PCDHA2: variants seen among roughly 807,000 people sequenced by gnomAD.
The protein encoded by PCDHA2 is protocadherin alpha 2, also known as protocadherin alpha-2.
PCDHA2 carries 58 observed loss-of-function variants against 66.0 expected under a neutral mutation model. The ratio of observed to expected loss-of-function variants is 0.88; its 90% confidence interval spans 0.71 to 1.09. The LOEUF is 1.09. Ranked by LOEUF, PCDHA2 falls within the 50% of genes least tolerant of loss-of-function variation. The pLI, the probability that PCDHA2 is intolerant of heterozygous loss-of-function variation, is 0.00. For missense variants in PCDHA2, 1,267 were observed against 1,242.3 expected, an observed-to-expected ratio of 1.02 and a Z score of -0.30; for synonymous variants, 634 against 554.0, an observed-to-expected ratio of 1.14 and a Z score of -2.03.
rs533343357 is a variant in PCDHA2, at chr5:140,856,093, C to G, written c.2388+58741C>G. 1.3e-6 allele frequency: 2 copies of G among 1,597,146 alleles called. 1 individual carries two copies. Among genetic ancestry groups the G allele is most frequent in the Non-Finnish European group, 1.7e-6 (2 of 1,166,952 alleles). On this transcript the variant is annotated intron_variant, in intron 1 of 3. Transcript: ENST00000526136. ...GCCTGGGGGTCCAGTGTCTGCTGCT[C>G]TCGCTTCTTCTCCTCGCAGCCTGGG... is the stretch of plus-strand genomic sequence containing the variant.
At chr5:140,967,144 C>T (rs1042081336) in intron 1 of PCDHA2, 9 of 1,611,144 alleles carry the variant, frequency 5.6e-6, no homozygotes, top group Non-Finnish European at 7.6e-6. Context: ...TGCTGGCGCA[C>T]AACCCCGTGG....
chr5:140,795,073 G>A lies in PCDHA2; in HGVS notation c.109G>A (p.Glu37Lys), dbSNP rs782489216. The A allele has an allele frequency of 1.9e-6, 3 of 1,613,978 alleles. No homozygotes were observed. Among genetic ancestry groups the A allele is most frequent in the South Asian group, 1.1e-5 (1 of 91,076 alleles). ...CGGCCAGCTCCGCTACTCCGTCCCCGAGGAGGCCAAACACGGCACCTTCGT... is the reference window on the plus strand; with the variant it reads ...CGGCCAGCTCCGCTACTCCGTCCCCAAGGAGGCCAAACACGGCACCTTCGT... ...GSGQLRYSVP[E>K]EAKHGTFVGR... Residue 37 changes from glutamate to lysine, a missense_variant, in exon 1 of 4, where the codon GAG (glutamate) becomes AAG (lysine). Coordinates refer to ENST00000526136, the MANE Select transcript of PCDHA2 (RefSeq NM_018905.3).
intron 1 of PCDHA2, among the ~76,000 whole-genome samples, chr5:140,874,303 C>T (rs1299985366): frequency 6.6e-6 from 1 of 152,088 alleles, no homozygotes. Flanking sequence ...TACTTGTTCA[C>T]AATGAGTTGT....
chr5:140,890,550 C>A (rs1162286556), intron 1 of PCDHA2, among the ~76,000 whole-genome samples: 1 of 151,958 alleles, frequency 6.6e-6, no homozygotes, highest in Admixed American at 6.6e-5. Context: ...TGACTGAGTA[C>A]TTTTTATTGT....
At position 140,797,098 on chromosome 5, in the gene PCDHA2, G is replaced by A; in HGVS notation, c.2134G>A (p.Val712Met). ...IAICAVSSLL[V>M]LTVLLYTALR... is the part of the protein sequence containing the mutation. ...CATCTGCGCGGTATCCAGCCTGTTGGTGCTCACGGTGCTGCTGTACACTGC... is the reference window on the plus strand; with the variant it reads ...CATCTGCGCGGTATCCAGCCTGTTGATGCTCACGGTGCTGCTGTACACTGC... The change falls in exon 1 of 4, where the codon GTG becomes ATG. Residue 712 changes from valine to methionine, a missense_variant. Physicochemically the swap from Val to Met is conservative, Grantham distance 21 (BLOSUM62 1). Coordinates refer to ENST00000526136, the MANE Select transcript of PCDHA2 (RefSeq NM_018905.3). 6.2e-7 allele frequency: 1 copy of A among 1,614,008 alleles called. No individual in the cohort carries two copies. Among genetic ancestry groups the A allele is most frequent in the African/African-American group, 1.3e-5 (1 of 75,070 alleles).
At chr5:140,824,610 G>GTTGTTTTTTTTTTTTTTTT (rs1768193318) in intron 1 of PCDHA2, 1 of 95,104 alleles carries the variant, frequency 1.1e-5, no homozygotes, top group African/African-American at 4.9e-5. Flanking sequence ...GCTAATTAAA[G>GTTGTTTTTTTTTTTTTTTT]TTTTTTTTTT....
chr5:140,841,310 C>A (rs2150313272), intron 1 of PCDHA2: 14 of 1,550,808 alleles, frequency 9.0e-6, no homozygotes, highest in Non-Finnish European at 1.2e-5. Flanking sequence ...TGATAGGAAA[C>A]GACTATTTAA....
intron 1 of PCDHA2, chr5:140,850,986 T>C (rs2041915451): frequency 6.9e-7 from 1 of 1,450,124 alleles, no homozygotes; most frequent in South Asian, 1.6e-5. Context: ...TTTATTCATT[T>C]TTCTAGAAAT....
chr5:140,982,583 C>T lies in PCDHA2; in HGVS notation c.2536+20C>T, dbSNP rs1251252617. ...CACCAGGTAAAGAGCTGGGGTCTCT[C>T]CATTCTTTCTTGGTTTCTGGAAAGT... is the stretch of plus-strand genomic sequence containing the variant. On this transcript the variant is annotated intron_variant, in intron 3 of 3. Coordinates refer to ENST00000526136, the MANE Select transcript of PCDHA2 (RefSeq NM_018905.3). The T allele has an allele frequency of 1.2e-6, 2 of 1,612,084 alleles. No homozygotes were observed. The highest frequency in any genetic ancestry group is 4.5e-5 in the East Asian group (2 of 44,856).
chr5:140,829,594 G>A (rs141465004), intron 1 of PCDHA2: 1 of 1,611,864 alleles, frequency 6.2e-7, no homozygotes, highest in African/African-American at 1.3e-5. Flanking sequence ...GGGTGGGCGA[G>A]CGCGCGTTGT....
chr5:140,900,693 T>A (rs1223398418), intron 1 of PCDHA2, among the ~76,000 whole-genome samples: 1 of 152,242 alleles, frequency 6.6e-6, no homozygotes, highest in African/African-American at 2.4e-5. Flanking sequence ...TATACTGATT[T>A]CCGTTCTTTT....
At chr5:140,870,622 G>C (rs377101052) in intron 1 of PCDHA2, 4 of 1,613,124 alleles carry the variant, frequency 2.5e-6, no homozygotes, top group Non-Finnish European at 3.4e-6. Flanking sequence ...GTCGAGCTAC[G>C]TGTCGGTGCA....
intron 1 of PCDHA2, chr5:140,871,206 C>T (rs781837610): frequency 2.5e-6 from 4 of 1,613,668 alleles, no homozygotes; most frequent in African/African-American, 1.3e-5. Flanking sequence ...ACCTGATCAT[C>T]GCCATCTGCG....
intron 1 of PCDHA2, chr5:140,968,000 C>T: frequency 1.2e-6 from 2 of 1,614,234 alleles, no homozygotes; most frequent in Non-Finnish European, 8.5e-7. Context: ...GCCTTTCCGA[C>T]TGAATGGCTT....
intron 1 of PCDHA2, chr5:140,849,440 A>G: frequency 6.3e-7 from 1 of 1,584,040 alleles, no homozygotes; most frequent in Non-Finnish European, 8.6e-7. Flanking sequence ...AAAGTAGAGC[A>G]CACAAGATCC....
intron 1 of PCDHA2, chr5:140,875,728 G>T: frequency 6.2e-7 from 1 of 1,614,238 alleles, no homozygotes; most frequent in East Asian, 2.2e-5. Flanking sequence ...CATTTTGTTT[G>T]TGAATTCTCG....
At chr5:140,812,917 GT>G (rs1554126079) in intron 1 of PCDHA2, 1 of 152,098 alleles carries the variant, frequency 6.6e-6, no homozygotes. Flanking sequence ...TCAAAATTCT[GT>G]TGTTTAATTT....
chr5:140,869,343 G>A (rs1554162925), intron 1 of PCDHA2: 1 of 1,613,974 alleles, frequency 6.2e-7, no homozygotes, highest in African/African-American at 1.3e-5. Context: ...TAAATCTGCA[G>A]AATGGCATTT....
At chr5:140,838,208 G>A (rs1272239930) in intron 1 of PCDHA2, among the ~76,000 whole-genome samples, 1 of 150,064 alleles carries the variant, frequency 6.7e-6, no homozygotes, top group Non-Finnish European at 1.5e-5. Flanking sequence ...CCGCCTCTCT[G>A]GTACAAGCAG....
Sources: allele counts gnomAD v4.1 joint callset (sites outside exome capture counted in the v4.1 genomes callset), GRCh38; gene constraint gnomAD v4.1.1; transcripts MANE v1.5; gene names NCBI Gene and HGNC (gene_info 2026-07-23, HGNC 2026-07-21).